Variants in MMP26 observed in about 807,000 individuals in gnomAD.
MMP26 encodes matrix metalloproteinase-26.
In MMP26, 33 loss-of-function variants were observed where a neutral mutation model predicts 31.0. That is an observed-to-expected ratio of 1.06 (90% CI 0.81 to 1.42). The LOEUF is 1.42. Ranked by LOEUF, MMP26 falls within the 40% of genes most tolerant of loss-of-function variation. The probability of loss-of-function intolerance (pLI) is 0.00; values close to 1 mark genes in which losing one functional copy is unlikely to be tolerated. For synonymous variants in MMP26, 122 were observed against 114.9 expected (o/e 1.06, Z -0.40); for missense variants, 347 against 316.1 (o/e 1.10, Z -0.74).
At chr11:4,923,296 T>C (rs892139675) in intron 2 of MMP26, 2 of 1,435,598 alleles carry the variant, frequency 1.4e-6, no homozygotes, top group African/African-American at 1.4e-5. Context: ...CAACGGTTTA[T>C]TATTTTGCCA....
At chr11:4,963,382 T>C (rs1165875598) in intron 2 of MMP26, among the ~76,000 whole-genome samples, 1 of 152,190 alleles carries the variant, frequency 6.6e-6, no homozygotes, top group African/African-American at 2.4e-5. Flanking sequence ...TAGAAAAAAC[T>C]ACTTTAAATT....
At chr11:4,789,496 A>C (rs1243153791) in intron 2 of MMP26, among the ~76,000 whole-genome samples, 1 of 145,932 alleles carries the variant, frequency 6.9e-6, no homozygotes, top group Non-Finnish European at 1.5e-5. Context: ...ACCAGTATAC[A>C]AGTTGATTTC....
rs1025500914 is a variant in MMP26, at chr11:4,704,835, A to T, written c.-427A>T. The T allele has an allele frequency of 1.3e-5, 2 of 152,038 alleles. No individual in the cohort carries two copies. The highest frequency in any genetic ancestry group is 2.9e-5 in the Non-Finnish European group (2 of 68,030). 9.4% of individuals were successfully genotyped at this position (152,038 alleles called of 1,614,324 possible). A position where few individuals can be genotyped will look rare whatever the true frequency, so the allele number is the denominator to read the frequency against. ...CTATGTTTTCTCCTGGCAGAAGAGG[A>T]CCTCTTTGTCCAGGGGCAGGGCTGA... On this transcript the variant is annotated 5_prime_UTR_variant, in exon 1 of 8. Transcript: ENST00000380390.
chr11:4,865,562 C>A (rs1216626142), intron 2 of MMP26, among the ~76,000 whole-genome samples: 1 of 152,030 alleles, frequency 6.6e-6, no homozygotes, highest in Admixed American at 6.6e-5. Context: ...ACCACTCTCC[C>A]ACCATTGCCA....
chr11:4,720,853 G>T (rs1193044935), intron 1 of MMP26, among the ~76,000 whole-genome samples: 1 of 152,194 alleles, frequency 6.6e-6, no homozygotes, highest in Non-Finnish European at 1.5e-5. Context: ...TCGTGGAGTT[G>T]AGACTTAGGT....
intron 2 of MMP26, among the ~76,000 whole-genome samples, chr11:4,793,178 T>C (rs760509124): frequency 6.6e-6 from 1 of 152,224 alleles, no homozygotes; most frequent in Non-Finnish European, 1.5e-5. Context: ...CACCCTTTGA[T>C]GTAACTATAG....
At chr11:4,719,891 T>C (rs1847987729) in intron 1 of MMP26, among the ~76,000 whole-genome samples, 1 of 152,226 alleles carries the variant, frequency 6.6e-6, no homozygotes, top group South Asian at 2.1e-4. Flanking sequence ...AGAGAAAGTG[T>C]CTACTTATTA....
At chr11:4,941,640 T>A (rs1846207006) in intron 2 of MMP26, among the ~76,000 whole-genome samples, 1 of 152,218 alleles carries the variant, frequency 6.6e-6, no homozygotes, top group Non-Finnish European at 1.5e-5. Context: ...AAGACCATCA[T>A]GCTTGAGGCA....
intron 2 of MMP26, chr11:4,804,525 A>C: frequency 1.3e-6 from 1 of 787,650 alleles, no homozygotes; most frequent in Non-Finnish European, 2.4e-6. Context: ...AAACTAGAAT[A>C]ATTTCAACTG....
intron 2 of MMP26, among the ~76,000 whole-genome samples, chr11:4,948,699 T>C (rs1869821): frequency 0.74 from 90,142 of 122,558 alleles, 39,198 homozygotes; most frequent in Middle Eastern, 0.87. Flanking sequence ...TATACTCACC[T>C]CTATTAGTAA....
chr11:4,790,007 G>A (rs1335210484), intron 2 of MMP26, among the ~76,000 whole-genome samples: 3 of 152,102 alleles, frequency 2.0e-5, no homozygotes, highest in Non-Finnish European at 4.4e-5. Flanking sequence ...TTAAATAGAT[G>A]GATGCACACA....
rs147819477 is a variant in MMP26, at chr11:4,908,055, C to T, written c.-144-80013C>T. Reference sequence around the variant, plus strand: ...TTGAAGACTATACTCAGCATTGCATCTTTGGCAGAGAGGCTTAAGGCCCTA... The same window carrying T: ...TTGAAGACTATACTCAGCATTGCATTTTTGGCAGAGAGGCTTAAGGCCCTA... On this transcript the variant is annotated intron_variant, in intron 2 of 7. Coordinates refer to ENST00000380390, the MANE Select transcript of MMP26 (RefSeq NM_021801.5). 8.7e-6 allele frequency: 14 copies of T among 1,614,148 alleles called. No individual in the cohort carries two copies. In the South Asian group the frequency reaches 1.5e-4, roughly 18 times the overall value.
intron 1 of MMP26, among the ~76,000 whole-genome samples, chr11:4,754,582 C>T (rs935107999): frequency 1.3e-5 from 2 of 151,950 alleles, no homozygotes; most frequent in Admixed American, 6.6e-5. Flanking sequence ...ATGATTTCTA[C>T]TGTTTTTACA....
At chr11:4,783,281 C>A (rs1025861758) in intron 2 of MMP26, among the ~76,000 whole-genome samples, 3 of 152,202 alleles carry the variant, frequency 2.0e-5, no homozygotes, top group South Asian at 2.1e-4. Flanking sequence ...ATCAGTGTGA[C>A]CCAGATGGGA....
At position 4,953,330 on chromosome 11, in the gene MMP26, G is replaced by A; in HGVS notation, c.-144-34738G>A. ...TCTACTCTTCATCAGAAATGTTCTA[G>A]ACATTAGGTAGGAAAAATTAAAGAA... On this transcript the variant is annotated intron_variant, in intron 2 of 7. Coordinates refer to ENST00000380390, the MANE Select transcript of MMP26 (RefSeq NM_021801.5). 1.6e-5 allele frequency among the ~76,000 whole-genome samples: 2 copies of A among 124,414 alleles called. 1 individual carries two copies. The highest frequency in any genetic ancestry group is 8.0e-3 in the Middle Eastern group (2 of 250). The allele number at this position is 124,414 out of a possible 152,430, so 81.6% of individuals were successfully genotyped here. A position where few individuals can be genotyped will look rare whatever the true frequency, so the allele number is the denominator to read the frequency against.
intron 2 of MMP26, among the ~76,000 whole-genome samples, chr11:4,958,960 C>A (rs571810151): frequency 2.6e-5 from 4 of 152,088 alleles, no homozygotes; most frequent in African/African-American, 9.7e-5. Flanking sequence ...GAAGATAGGC[C>A]GGGCGCGGTG....
rs930659968 is a variant in MMP26 at position 4,743,402 on chromosome 11, T to C, written c.-216-23868T>C. Among the ~76,000 whole-genome samples the C allele has an allele frequency of 7.9e-5, 12 of 152,354 alleles. No individual in the cohort carries two copies. The South Asian group carries it at 8.3e-4, about 11-fold the overall frequency. On this transcript the variant is annotated intron_variant, in intron 1 of 7. Coordinates refer to ENST00000380390, the MANE Select transcript of MMP26 (RefSeq NM_021801.5). ...TGGTAAAATTGATTAGTTTCTATTATATAATAGGGGCTGTTAGTATTAAGG... is the reference window on the plus strand; with the variant it reads ...TGGTAAAATTGATTAGTTTCTATTACATAATAGGGGCTGTTAGTATTAAGG...
chr11:4,804,020 TAGCCATG>T, intron 2 of MMP26: 1 of 1,613,808 alleles, frequency 6.2e-7, no homozygotes, highest in Non-Finnish European at 8.5e-7. Flanking sequence ...TCCAGGGCCA[TAGCCATG>T]AGCACCCCAG....
At chr11:4,908,284 G>C in intron 2 of MMP26, 3 of 1,614,052 alleles carry the variant, frequency 1.9e-6, no homozygotes, top group Non-Finnish European at 2.5e-6. Flanking sequence ...TCTTGGGGAA[G>C]TTGCTTAATG....
Sources: allele counts gnomAD v4.1 joint callset (sites outside exome capture counted in the v4.1 genomes callset), GRCh38; gene constraint gnomAD v4.1.1; transcripts MANE v1.5; gene names NCBI Gene and HGNC (gene_info 2026-07-23, HGNC 2026-07-21).